The following RTCB variants were observed in gnomAD, a reference collection of about 807,000 sequenced individuals.
RTCB encodes RNA 2',3'-cyclic phosphate and 5'-OH ligase, also known as RNA-splicing ligase RTCB.
In RTCB, 32 loss-of-function variants were observed where a neutral mutation model predicts 58.2. The observed-to-expected ratio is 0.55, with a 90% CI of 0.41 to 0.74. The LOEUF is 0.74. RTCB is among the 30% of genes least tolerant of loss of function. The pLI, the probability that RTCB is intolerant of heterozygous loss-of-function variation, is 0.00. For missense variants in RTCB, 523 were observed against 639.0 expected (o/e 0.82, Z 1.96); for synonymous variants, 247 against 218.6 (o/e 1.13, Z -1.15).
At position 32,393,252 on chromosome 22, in the gene RTCB, G is replaced by A. The variant is rs1364228344; in HGVS notation, c.1290+640C>T. Among the ~76,000 whole-genome samples, 3 of 152,192 alleles carry A rather than the reference G, an allele frequency of 2.0e-5. No homozygotes were observed. In the East Asian group the frequency reaches 5.8e-4, roughly 29 times the overall value. ...TGCCTGGCCTAAAATAGTTCTATTA[G>A]AACACAGCATTGCCCATTTACACAG... On this transcript the variant is annotated intron_variant, in intron 10 of 11. Coordinates refer to ENST00000216038, the MANE Select transcript of RTCB (RefSeq NM_014306.5).
intron 11 of RTCB, among the ~76,000 whole-genome samples, chr22:32,391,404 T>C (rs1266477708): frequency 6.6e-6 from 1 of 151,786 alleles, no homozygotes; most frequent in East Asian, 1.9e-4. Context: ...AATTTTTTTT[T>C]TTTTTTTTTG....
At chr22:32,392,128 AT>A in intron 11 of RTCB, 111 bp downstream of exon 11, 2 of 1,202,446 alleles carry the variant, frequency 1.7e-6, no homozygotes, top group South Asian at 1.7e-5. Context: ...ATAAAAAAAA[AT>A]AACCCAAACA....
chr22:32,411,853 C>T (rs191791383), intron 1 of RTCB, among the ~76,000 whole-genome samples: 5 of 152,336 alleles, frequency 3.3e-5, no homozygotes, highest in Admixed American at 3.3e-4. Flanking sequence ...CTTAGCTTGT[C>T]CTCGTGGTTC....
chr22:32,402,011 T>A, intron 4 of RTCB, 108 bp from the exon 5 acceptor site: 2 of 1,188,558 alleles, frequency 1.7e-6, no homozygotes, highest in Non-Finnish European at 2.4e-6. Context: ...TAAAGATAAC[T>A]ATGTTTTAAA....
chr22:32,408,972 A>G, intron 1 of RTCB, 139 bp from the exon 2 acceptor site: 1 of 632,786 alleles, frequency 1.6e-6, no homozygotes, highest in Non-Finnish European at 2.8e-6. Flanking sequence ...GCACACAGAA[A>G]ACTTCCTATC....
At chr22:32,402,642 G>A (rs961831164) in intron 4 of RTCB, among the ~76,000 whole-genome samples, 2 of 132,844 alleles carry the variant, frequency 1.5e-5, no homozygotes, top group East Asian at 1.1e-3. Flanking sequence ...GTAGAGACGG[G>A]GTTTCACCAT....
chr22:32,411,314 C>G (rs956078191), intron 1 of RTCB, among the ~76,000 whole-genome samples: 3 of 152,134 alleles, frequency 2.0e-5, no homozygotes, highest in African/African-American at 7.2e-5. Context: ...TCTTTTTTCA[C>G]ATTAATAAAA....
intron 4 of RTCB, among the ~76,000 whole-genome samples, chr22:32,402,684 CATG>C (rs1490164288): frequency 6.6e-6 from 1 of 151,636 alleles, no homozygotes; most frequent in African/African-American, 2.4e-5. Flanking sequence ...CTCCTGATCT[CATG>C]ATCCACCCAC....
intron 9 of RTCB, 43 bp downstream of exon 9, chr22:32,394,983 T>C (rs752329213): frequency 2.2e-5 from 33 of 1,513,818 alleles, no homozygotes; most frequent in Non-Finnish European, 2.9e-5. Context: ...ACAATCTAAA[T>C]CGTGCCCCCA....
At position 32,399,717 on chromosome 22, in the gene RTCB, T is replaced by C. The variant is rs745957294; in HGVS notation, c.540A>G (p.Leu180=). 6.2e-7 allele frequency: 1 copy of C among 1,614,036 alleles called. No homozygotes were observed. Among genetic ancestry groups the C allele is most frequent in the Admixed American group, 1.7e-5 (1 of 60,008 alleles). ...EALEMGVDWS[L]REGYAWAEDK... ...CTTCAGCCCAGGCATACCCTTCTCT[T>C]AAGGACCAGTCCACCCCCATCTCCA... is the stretch of plus-strand genomic sequence containing the variant. Residue 180 remains leucine (L), a synonymous_variant, in exon 6 of 12, where the codon TTA becomes TTG. Transcript: ENST00000216038.
intron 6 of RTCB, among the ~76,000 whole-genome samples, chr22:32,399,127 T>C (rs1933292300): frequency 6.6e-6 from 1 of 152,100 alleles, no homozygotes; most frequent in Non-Finnish European, 1.5e-5. Context: ...CACTTCTAAT[T>C]CATTATTTCT....
chr22:32,392,216 T>C (rs760804713), intron 11 of RTCB, 24 bp downstream of exon 11: 44 of 1,600,576 alleles, frequency 2.7e-5, no homozygotes, highest in African/African-American at 2.7e-4. Flanking sequence ...TAAATATTCA[T>C]GTATTTATCA....
At chr22:32,390,985 G>A (rs765860556) in intron 11 of RTCB, among the ~76,000 whole-genome samples, 3 of 152,062 alleles carry the variant, frequency 2.0e-5, no homozygotes, top group Non-Finnish European at 4.4e-5. Context: ...TGAGTTGCTA[G>A]GACTACACCT....
At chr22:32,398,624 T>TA (rs916395277) in intron 6 of RTCB, among the ~76,000 whole-genome samples, 15 of 152,100 alleles carry the variant, frequency 9.9e-5, no homozygotes, top group Non-Finnish European at 2.1e-4. Context: ...ATTAATTTTT[T>TA]AAAAAAAGCT....
chr22:32,403,860 CCT>C (rs1334859069), intron 4 of RTCB, among the ~76,000 whole-genome samples: 1 of 152,188 alleles, frequency 6.6e-6, no homozygotes, highest in Non-Finnish European at 1.5e-5. Context: ...TAACATCCAC[CCT>C]GTTAGCACCA....
intron 9 of RTCB, among the ~76,000 whole-genome samples, chr22:32,394,781 T>C (rs1313050432): frequency 1.3e-5 from 2 of 152,106 alleles, no homozygotes; most frequent in Admixed American, 1.3e-4. Context: ...TTCAAAGGCC[T>C]CAATTCACGG....
At chr22:32,395,274 C>A in intron 8 of RTCB, 60 bp from the exon 9 acceptor site, 1 of 1,422,372 alleles carries the variant, frequency 7.0e-7, no homozygotes, top group Non-Finnish European at 9.8e-7. Flanking sequence ...TTCAGCTCTT[C>A]GTGACTCATC....
intron 6 of RTCB, among the ~76,000 whole-genome samples, 176 bp from the exon 7 acceptor site, chr22:32,398,276 A>G (rs1450074588): frequency 6.6e-6 from 1 of 152,222 alleles, no homozygotes; most frequent in African/African-American, 2.4e-5. Flanking sequence ...TCTACACAAC[A>G]AAATAACGTA....
At chr22:32,408,722 G>T in intron 2 of RTCB, 33 bp downstream of exon 2, 1 of 1,495,120 alleles carries the variant, frequency 6.7e-7, no homozygotes, top group South Asian at 1.1e-5. Context: ...AGGCACTACC[G>T]TACTAACACA....
Sources: gnomAD v4.1 joint callset for allele counts (sites outside exome capture counted in the v4.1 genomes callset) on GRCh38, gnomAD v4.1.1 for gene constraint, MANE v1.5 for transcripts, NCBI Gene and HGNC (gene_info 2026-07-23, HGNC 2026-07-21) for gene names.